RNF182: variants seen among roughly 807,000 people sequenced by gnomAD.
RNF182 encodes the protein ring finger protein 182, also known as E3 ubiquitin-protein ligase RNF182.
In RNF182, 15 loss-of-function variants were observed where a neutral mutation model predicts 14.4. The ratio of observed to expected loss-of-function variants is 1.04; its 90% confidence interval spans 0.70 to 1.60. The LOEUF (loss-of-function observed/expected upper bound fraction) is 1.60. Ranked by LOEUF, RNF182 falls within the 40% of genes most tolerant of loss-of-function variation. The pLI is 0.00. For synonymous variants in RNF182, 128 were observed against 122.9 expected (o/e 1.04, Z -0.27); for missense variants, 268 against 294.8 (o/e 0.91, Z 0.67).
chr6:13,937,360 C>G (rs1275746125), intron 1 of RNF182, among the ~76,000 whole-genome samples: 1 of 152,182 alleles, frequency 6.6e-6, no homozygotes, highest in African/African-American at 2.4e-5. Flanking sequence ...AGTCTGAATT[C>G]TAACACTGTT....
chr6:13,972,117 G>A (rs1465795902), intron 1 of RNF182, among the ~76,000 whole-genome samples: 1 of 151,872 alleles, frequency 6.6e-6, no homozygotes, highest in Non-Finnish European at 1.5e-5. Context: ...TGGCTAACAC[G>A]GTGAAACCCC....
intron 1 of RNF182, among the ~76,000 whole-genome samples, chr6:13,950,399 A>G (rs769381847): frequency 6.6e-6 from 1 of 152,136 alleles, no homozygotes; most frequent in African/African-American, 2.4e-5. Context: ...TAACACATTT[A>G]CCAAGGACAG....
intron 2 of RNF182, among the ~76,000 whole-genome samples, chr6:13,976,020 G>A (rs1760312484): frequency 6.6e-6 from 1 of 152,190 alleles, no homozygotes; most frequent in Non-Finnish European, 1.5e-5. Flanking sequence ...ATAGTAATTA[G>A]TAATAGCAAG....
At chr6:13,941,869 TAAA>T (rs1289156177) in intron 1 of RNF182, among the ~76,000 whole-genome samples, 2 of 152,216 alleles carry the variant, frequency 1.3e-5, no homozygotes, top group Non-Finnish European at 2.9e-5. Context: ...CACACATGAA[TAAA>T]ATAACATTAT....
intron 1 of RNF182, among the ~76,000 whole-genome samples, chr6:13,928,071 T>C (rs1252408378): frequency 6.6e-6 from 1 of 152,206 alleles, no homozygotes; most frequent in African/African-American, 2.4e-5. Flanking sequence ...TTATTAATAG[T>C]GATTGATAGA....
At chr6:13,963,107 G>A (rs548153618) in intron 1 of RNF182, among the ~76,000 whole-genome samples, 1 of 152,272 alleles carries the variant, frequency 6.6e-6, no homozygotes, top group African/African-American at 2.4e-5. Flanking sequence ...CTGTAGTAGA[G>A]CTTATGCAGT....
intron 1 of RNF182, among the ~76,000 whole-genome samples, chr6:13,926,051 A>T (rs1384127239): frequency 6.6e-6 from 1 of 152,228 alleles, no homozygotes. Flanking sequence ...CAGTTGATCA[A>T]TTCAGAAGGA....
intron 1 of RNF182, among the ~76,000 whole-genome samples, chr6:13,938,848 C>T (rs752617168): frequency 3.9e-5 from 6 of 151,984 alleles, no homozygotes; most frequent in Non-Finnish European, 7.4e-5. Context: ...TTTGGGAGGC[C>T]GAGGTGGGTG....
intron 1 of RNF182, among the ~76,000 whole-genome samples, chr6:13,962,980 T>C (rs1330782453): frequency 6.6e-6 from 1 of 152,140 alleles, no homozygotes; most frequent in East Asian, 1.9e-4. Context: ...TTTTGTTTTG[T>C]TTTTTTGAGC....
chr6:13,949,035 C>A, intron 1 of RNF182: 3 of 588,938 alleles, frequency 5.1e-6, no homozygotes, highest in Non-Finnish European at 9.3e-6. Flanking sequence ...ATCAGTTTGA[C>A]CATAAAGTAA....
At position 13,977,004 on chromosome 6, in the gene RNF182, T is replaced by A; in HGVS notation, c.-116T>A. 2 of 1,110,544 alleles carry A rather than the reference T, an allele frequency of 1.8e-6. No homozygotes were observed. The highest frequency in any genetic ancestry group is 4.5e-5 in the Admixed American group (2 of 44,460). The allele number at this position is 1,110,544 out of a possible 1,614,324, so 68.8% of individuals were successfully genotyped here. ...GATTTCTGGTTTCTTTCACTACTTA[T>A]CCTGCCTTTTTGCATCGCTGCCAGA... On this transcript the variant is annotated 5_prime_UTR_variant, in exon 3 of 3. It introduces an in-frame stop codon into an upstream open reading frame of the 5' UTR. Transcript: ENST00000488300.
chr6:13,942,724 A>C (rs144779676), intron 1 of RNF182, among the ~76,000 whole-genome samples: 1 of 152,274 alleles, frequency 6.6e-6, no homozygotes, highest in Non-Finnish European at 1.5e-5. Flanking sequence ...TAGAAGTACA[A>C]TTTTATATCC....
chr6:13,955,019 C>T (rs1585040275), intron 1 of RNF182, among the ~76,000 whole-genome samples: 1 of 152,266 alleles, frequency 6.6e-6, no homozygotes, highest in African/African-American at 2.4e-5. Context: ...TGTCATCCGC[C>T]TCCTTATCTG....
intron 1 of RNF182, among the ~76,000 whole-genome samples, chr6:13,936,441 G>A (rs1759111502): frequency 6.6e-6 from 1 of 152,196 alleles, no homozygotes. Context: ...TTGGTCTGCA[G>A]TAAATTTACA....
chr6:13,974,029 A>G (rs1387760875), intron 1 of RNF182, among the ~76,000 whole-genome samples, 181 bp from the exon 2 acceptor site: 2 of 152,242 alleles, frequency 1.3e-5, no homozygotes, highest in East Asian at 1.9e-4. Context: ...TTAGAGACCC[A>G]GAGAACAACT....
At chr6:13,936,765 T>C (rs1759121094) in intron 1 of RNF182, among the ~76,000 whole-genome samples, 1 of 152,218 alleles carries the variant, frequency 6.6e-6, no homozygotes, top group African/African-American at 2.4e-5. Flanking sequence ...GAATAATTGA[T>C]GTCTATACTG....
chr6:13,938,949 G>T (rs985736377), intron 1 of RNF182, among the ~76,000 whole-genome samples: 1 of 152,246 alleles, frequency 6.6e-6, no homozygotes, highest in African/African-American at 2.4e-5. Flanking sequence ...CAGGTGTGGT[G>T]GTTCACGCCT....
At chr6:13,936,277 A>T (rs1232756905) in intron 1 of RNF182, among the ~76,000 whole-genome samples, 1 of 152,236 alleles carries the variant, frequency 6.6e-6, no homozygotes, top group African/African-American at 2.4e-5. Flanking sequence ...ATCATAAAAA[A>T]TTTAATGTTT....
chr6:13,945,046 G>A (rs1759404186), intron 1 of RNF182, among the ~76,000 whole-genome samples: 2 of 152,134 alleles, frequency 1.3e-5, no homozygotes, highest in African/African-American at 2.4e-5. Context: ...GCTTTCTTAG[G>A]GTGGAAATGC....
Sources: gnomAD v4.1 joint callset for allele counts (sites outside exome capture counted in the v4.1 genomes callset) on GRCh38, gnomAD v4.1.1 for gene constraint, MANE v1.5 for transcripts, NCBI Gene and HGNC (gene_info 2026-07-23, HGNC 2026-07-21) for gene names.